The following SORL1 variants were observed in gnomAD, a reference collection of about 807,000 sequenced individuals.
SORL1 encodes the protein sortilin related receptor 1.
In SORL1, 127 loss-of-function variants were observed where a neutral mutation model predicts 273.7. The ratio of observed to expected loss-of-function variants is 0.46; its 90% CI spans 0.40 to 0.54. The LOEUF is 0.54. Ranked by LOEUF, SORL1 falls within the 20% of genes least tolerant of loss-of-function variation. The pLI, the probability that SORL1 is intolerant of heterozygous loss-of-function variation, is 0.00. For missense variants in SORL1, 2,494 were observed against 2,846.1 expected, an observed-to-expected ratio of 0.88 and a Z score of 2.81; for synonymous variants, 1,031 against 1,067.4, an observed-to-expected ratio of 0.97 and a Z score of 0.66.
intron 45 of SORL1, 95 bp downstream of exon 45, chr11:121,622,363 T>TA (rs11454566): frequency 0.91 from 392,225 of 431,816 alleles, 176,434 homozygotes; most frequent in Admixed American, 0.93. Context: ...ATAGATAGTG[T>TA]AAAAAAAAAG....
At chr11:121,480,428 C>G (rs1591555478) in intron 3 of SORL1, among the ~76,000 whole-genome samples, 2 of 152,026 alleles carry the variant, frequency 1.3e-5, no homozygotes, top group African/African-American at 4.8e-5. Context: ...TTGTACTTAC[C>G]TGATGCTGAT....
chr11:121,479,049 T>C (rs1861329865), intron 3 of SORL1, among the ~76,000 whole-genome samples: 1 of 152,138 alleles, frequency 6.6e-6, no homozygotes, highest in African/African-American at 2.4e-5. Context: ...GGTGCAACCC[T>C]CTGTCCCCCG....
At chr11:121,514,644 G>A (rs1861925113) in intron 8 of SORL1, among the ~76,000 whole-genome samples, 1 of 152,150 alleles carries the variant, frequency 6.6e-6, no homozygotes, top group Admixed American at 6.5e-5. Flanking sequence ...CTGGTTTTGT[G>A]GTTTCTGAGC....
chr11:121,587,987 C>G (rs1863144928), intron 27 of SORL1, 33 bp from the exon 28 acceptor site: 4 of 1,610,542 alleles, frequency 2.5e-6, no homozygotes, highest in Non-Finnish European at 3.4e-6. Context: ...CCGCAGTGCT[C>G]ATGGCCTCTT....
intron 30 of SORL1, 190 bp from the exon 31 acceptor site, chr11:121,590,811 A>G (rs768624087): frequency 2.6e-6 from 2 of 774,228 alleles, no homozygotes; most frequent in Non-Finnish European, 4.7e-6. Flanking sequence ...AGGGAAAAGA[A>G]TATTGCCTCT....
Position 121,577,216 on chromosome 11 carries a change from A to C in SORL1, c.3461-65A>C, listed in dbSNP as rs1862944040. The C allele has an allele frequency of 2.6e-6, 4 of 1,536,420 alleles. No individual in the cohort carries two copies. The Admixed American group carries it at 8.0e-5, about 31-fold the overall frequency. On this transcript the variant is annotated intron_variant, in intron 24 of 47. Transcript: ENST00000260197. Reference sequence around the variant, plus strand: ...ATCTCCATCCTTTATGAGAGCTTTGACACCAGAGACAAAATTCTGAACAAG... The same window carrying C: ...ATCTCCATCCTTTATGAGAGCTTTGCCACCAGAGACAAAATTCTGAACAAG...
rs771327140 is a variant in SORL1, at chr11:121,588,123, C to G, written c.3918C>G (p.Ser1306=). 6.2e-7 allele frequency: 1 copy of G among 1,613,664 alleles called. No homozygotes were observed. The highest frequency in any genetic ancestry group is 8.5e-7 in the Non-Finnish European group (1 of 1,179,702). The change falls in exon 28 of 48, where the codon TCC becomes TCG. Residue 1306 remains serine (S), a synonymous_variant. Transcript: ENST00000260197. The part of the protein sequence containing the change: ...CDGIIQCRDG[S]DEDAAFAGCS... ...GAATCATCCAGTGCCGCGACGGGTC[C>G]GATGAGGATGCGGCGTTTGCAGGAT...
At chr11:121,586,126 A>G in intron 26 of SORL1, 96 bp from the exon 27 acceptor site, 3 of 924,108 alleles carry the variant, frequency 3.2e-6, no homozygotes, top group South Asian at 2.6e-5. Context: ...TGCCCTCCCC[A>G]GTGGTGGTAC....
At position 121,478,032 on chromosome 11, in the gene SORL1, C is replaced by CA. The variant is rs55896588; in HGVS notation, c.403-66dup. 10,244 of 1,043,632 alleles carry CA rather than the reference C, an allele frequency of 9.8e-3. 6 individuals are homozygous for CA. The highest frequency in any genetic ancestry group is 0.014 in the East Asian group (412 of 30,492). 64.6% of individuals were successfully genotyped at this position (1,043,632 alleles called of 1,614,324 possible). On this transcript the variant is annotated intron_variant, in intron 2 of 47. Coordinates refer to ENST00000260197, the MANE Select transcript of SORL1 (RefSeq NM_003105.6). ...GGGCAAAAAGAGTGAAACTCAGTCT[C>CA]AAAAAAAAAAAAAAAAAAAAGAAAG...
At chr11:121,607,848 C>T (rs904495819) in intron 37 of SORL1, among the ~76,000 whole-genome samples, 2 of 152,104 alleles carry the variant, frequency 1.3e-5, no homozygotes, top group African/African-American at 2.4e-5. Flanking sequence ...TTTAGAAGAA[C>T]CTTGATATTT....
In SORL1 at chr11:121,605,108, T is replaced by C. The variant is rs1328964581; in HGVS notation, c.4652-5T>C. On this transcript the variant is annotated splice_region_variant and splice_polypyrimidine_tract_variant and intron_variant, in intron 33 of 47. Coordinates refer to ENST00000260197, the MANE Select transcript of SORL1 (RefSeq NM_003105.6). Reference sequence around the variant, plus strand: ...TGTTTGTCTTTTTCTCCTTTATCTCTCTAGATGAGTTGACTGTGTACAAAG... The same window carrying C: ...TGTTTGTCTTTTTCTCCTTTATCTCCCTAGATGAGTTGACTGTGTACAAAG... 1 of 1,608,414 alleles carries C rather than the reference T, an allele frequency of 6.2e-7. No individual in the cohort carries two copies. The highest frequency in any genetic ancestry group is 8.5e-7 in the Non-Finnish European group (1 of 1,177,830).
In SORL1 at chr11:121,554,035, G is replaced by A; in HGVS notation, c.2365G>A (p.Ala789Thr). 1 of 1,614,194 alleles carries A rather than the reference G, an allele frequency of 6.2e-7. No homozygotes were observed. The highest frequency in any genetic ancestry group is 8.5e-7 in the Non-Finnish European group (1 of 1,180,016). ...TEQLPLTGLR[A>T]AVALDFDYEH... ...GCAGTTGCCTCTCACCGGGCTACGG[G>A]CAGCAGTGGCCCTGGACTTTGACTA... The change falls in exon 17 of 48, where the codon GCA (alanine) becomes ACA (threonine). Residue 789 changes from alanine (A) to threonine (T), a missense_variant. Physicochemically the swap from Ala to Thr is moderately conservative, Grantham distance 58. Around this residue, in one of 3 missense-constraint regions of SORL1, gnomAD observed 710 missense variants for 882.5 expected, o/e 0.80. Coordinates refer to ENST00000260197, the MANE Select transcript of SORL1 (RefSeq NM_003105.6). The surrounding 1 kb of genome is among the most constrained non-coding windows in gnomAD (Gnocchi z 4.6).
intron 26 of SORL1, among the ~76,000 whole-genome samples, chr11:121,585,537 A>ACACT (rs917372706): frequency 2.7e-5 from 4 of 150,188 alleles, no homozygotes; most frequent in Admixed American, 1.3e-4. Context: ...ACACACACAC[A>ACACT]CTTATCAAAA....
chr11:121,573,345 C>T (rs998309040), intron 23 of SORL1, among the ~76,000 whole-genome samples: 1 of 152,194 alleles, frequency 6.6e-6, no homozygotes, highest in African/African-American at 2.4e-5. Flanking sequence ...GGCGTGGTGG[C>T]TCATGCCTGT....
intron 45 of SORL1, among the ~76,000 whole-genome samples, chr11:121,623,268 G>C (rs1863749328): frequency 6.6e-6 from 1 of 152,250 alleles, no homozygotes; most frequent in African/African-American, 2.4e-5. Context: ...AATTGGTAAA[G>C]ATTTGCAGGG....
At chr11:121,542,847 T>C (rs978743048) in intron 12 of SORL1, among the ~76,000 whole-genome samples, 73 of 149,772 alleles carry the variant, frequency 4.9e-4, no homozygotes, top group African/African-American at 1.6e-3. Flanking sequence ...TATATATTGT[T>C]GTGTCCAACC....
At chr11:121,570,397 T>G in intron 23 of SORL1, 127 bp downstream of exon 23, 1 of 610,422 alleles carries the variant, frequency 1.6e-6, no homozygotes, top group South Asian at 2.3e-5. Context: ...TCTAAGTTGA[T>G]GGGGCTTAGA....
Position 121,604,194 on chromosome 11 carries a change from C to T in SORL1, c.4521C>T (p.Pro1507=), listed in dbSNP as rs1174670863. The T allele has an allele frequency of 1.2e-6, 2 of 1,613,932 alleles. No individual in the cohort carries two copies. The highest frequency in any genetic ancestry group is 2.7e-5 in the African/African-American group (2 of 74,938). The change falls in exon 33 of 48, where the codon CCC becomes CCT. Residue 1507 remains proline, a splice_region_variant and synonymous_variant. Transcript: ENST00000260197. ...TTAAGAAGCCTCTCTGTGTTTCAGCCACACACAGCACCTTGACTTGCATGA... is the reference window on the plus strand; with the variant it reads ...TTAAGAAGCCTCTCTGTGTTTCAGCTACACACAGCACCTTGACTTGCATGA... ...CQDGRDEANC[P]THSTLTCMSR...
chr11:121,454,432 G>A (rs962086959), intron 1 of SORL1, among the ~76,000 whole-genome samples: 6 of 152,354 alleles, frequency 3.9e-5, no homozygotes, highest in African/African-American at 1.4e-4. Flanking sequence ...GGGATGTGGG[G>A]CAGGTTGGAC....
Sources: gnomAD v4.1 joint callset for allele counts (sites outside exome capture counted in the v4.1 genomes callset) on GRCh38, gnomAD v4.1.1 for gene constraint, gnomAD v4.1.1 regional missense constraint, Gnocchi (gnomAD v3.1) non-coding constraint, MANE v1.5 for transcripts, NCBI Gene and HGNC (gene_info 2026-07-23, HGNC 2026-07-21) for gene names.